Variants in ARMC9 observed in about 807,000 individuals in gnomAD.
ARMC9 encodes the protein lisH domain-containing protein ARMC9.
A neutral mutation model predicts 107.0 loss-of-function variants in ARMC9; 94 were observed. The observed-to-expected ratio is 0.88, with a 90% CI of 0.74 to 1.04. ARMC9 has a LOEUF of 1.04. Among genes scored for constraint, ARMC9 ranks in the 50% least tolerant of loss-of-function variants. The pLI is 0.00. For synonymous variants in ARMC9, 380 were observed against 396.9 expected (o/e 0.96, Z 0.51); for missense variants, 942 against 1,030.1 (o/e 0.91, Z 1.17).
intron 22 of ARMC9, among the ~76,000 whole-genome samples, chr2:231,357,042 C>G (rs2045371009): frequency 1.3e-5 from 2 of 152,134 alleles, no homozygotes; most frequent in Admixed American, 1.3e-4. Context: ...CTTTGGGAAG[C>G]TGTCATGCTG....
chr2:231,302,433 G>GTTTTTTTTTTTTTTTTT (rs1322418026), intron 19 of ARMC9, among the ~76,000 whole-genome samples: 7 of 96,386 alleles, frequency 7.3e-5, no homozygotes, highest in Non-Finnish European at 1.3e-4. Context: ...AGCATTGTGG[G>GTTTTTTTTTTTTTTTTT]TTTGTTTTTT....
chr2:231,319,701 C>T (rs185077351), intron 19 of ARMC9, among the ~76,000 whole-genome samples: 1 of 152,184 alleles, frequency 6.6e-6, no homozygotes, highest in Admixed American at 6.5e-5. Flanking sequence ...GCTTAAGCCT[C>T]ACACCCCTCT....
chr2:231,289,797 A>G (rs954870439), intron 17 of ARMC9, among the ~76,000 whole-genome samples: 2 of 152,074 alleles, frequency 1.3e-5, no homozygotes, highest in Admixed American at 6.5e-5. Context: ...GAGCTTACCC[A>G]TCTCTGCCTC....
rs540649328 is a variant in ARMC9, at chr2:231,218,544, G to A, written c.504+1751G>A. 1.1e-3 allele frequency among the ~76,000 whole-genome samples: 161 copies of A among 152,284 alleles called. 2 individuals are homozygous for A. The South Asian group carries it at 0.031, about 29-fold the overall frequency. On this transcript the variant is annotated intron_variant, in intron 5 of 24. Transcript: ENST00000611582. ...CAGTAGAGCTGGCAGAATCGGGGAT[G>A]GGGCCTAGCAGAGGCTGCAGCTGGC...
intron 12 of ARMC9, among the ~76,000 whole-genome samples, chr2:231,263,178 G>T (rs572728262): frequency 6.6e-6 from 1 of 152,326 alleles, no homozygotes; most frequent in South Asian, 2.1e-4. Flanking sequence ...CCAGAGTGCT[G>T]TAAAAATGTA....
At chr2:231,332,907 C>T (rs371265194) in intron 20 of ARMC9, among the ~76,000 whole-genome samples, 1 of 152,252 alleles carries the variant, frequency 6.6e-6, no homozygotes. Flanking sequence ...TCACGGCCAG[C>T]AGGTTGGTGT....
chr2:231,337,362 A>G (rs1266725633), intron 20 of ARMC9, among the ~76,000 whole-genome samples: 1 of 140,786 alleles, frequency 7.1e-6, no homozygotes, highest in African/African-American at 2.7e-5. Flanking sequence ...CAGTGGCACA[A>G]TCTTGGCTCA....
At chr2:231,257,850 T>C (rs1461660295) in intron 10 of ARMC9, among the ~76,000 whole-genome samples, 1 of 152,208 alleles carries the variant, frequency 6.6e-6, no homozygotes, top group Non-Finnish European at 1.5e-5. Context: ...TCATTTAGTC[T>C]CACCAGTTTT....
intron 16 of ARMC9, 106 bp from the exon 17 acceptor site, chr2:231,281,953 A>T (rs1380125521): frequency 2.8e-6 from 3 of 1,063,776 alleles, no homozygotes; most frequent in South Asian, 2.6e-5. Flanking sequence ...GGACGGGAAC[A>T]CCCACTCTCC....
chr2:231,299,211 C>G (rs977888046), intron 19 of ARMC9, among the ~76,000 whole-genome samples: 6 of 152,116 alleles, frequency 3.9e-5, no homozygotes, highest in African/African-American at 1.4e-4. Context: ...GCTAGAAATG[C>G]ATCTTCTGAT....
chr2:231,312,994 C>T (rs2042444116), intron 19 of ARMC9, among the ~76,000 whole-genome samples: 1 of 152,096 alleles, frequency 6.6e-6, no homozygotes, highest in Non-Finnish European at 1.5e-5. Flanking sequence ...GTATCAAGCA[C>T]CTGTTATATG....
intron 19 of ARMC9, among the ~76,000 whole-genome samples, chr2:231,315,919 G>A (rs566661440): frequency 7.9e-5 from 12 of 152,130 alleles, no homozygotes; most frequent in South Asian, 2.1e-4. Context: ...CTTTTTAGCC[G>A]TATTTGCCTT....
chr2:231,313,526 A>G (rs951566077), intron 19 of ARMC9, among the ~76,000 whole-genome samples: 2 of 152,162 alleles, frequency 1.3e-5, no homozygotes, highest in African/African-American at 4.8e-5. Flanking sequence ...GTAAATGTAT[A>G]ATTCCATGAA....
chr2:231,351,812 T>C (rs2045093110), intron 21 of ARMC9, among the ~76,000 whole-genome samples: 1 of 152,062 alleles, frequency 6.6e-6, no homozygotes, highest in Non-Finnish European at 1.5e-5. Context: ...AGTAAGTACA[T>C]AAATATTCGT....
intron 3 of ARMC9, among the ~76,000 whole-genome samples, chr2:231,208,799 T>G (rs1415110973): frequency 6.6e-6 from 1 of 152,204 alleles, no homozygotes; most frequent in Non-Finnish European, 1.5e-5. Flanking sequence ...CTAGGCATGG[T>G]GGCTGAATCC....
In ARMC9 at chr2:231,370,111, CA is replaced by C; in HGVS notation, c.2422del (p.Arg808GlyfsTer38). ...CGCCCCGGCTCCACAGCGTCCTCCACAAGGGGCCTGCCGAGTAAGTCAGCCT... is the reference window on the plus strand; with the variant it reads ...CGCCCCGGCTCCACAGCGTCCTCCACAGGGGCCTGCCGAGTAAGTCAGCCT... Reference protein sequence around the residue: ...ASRPGSTASSTRGLPSSQSHR... With the variant: ...ASRPGSTASSXRGLPSSQSHR... On this transcript the variant is annotated frameshift_variant, in exon 24 of 25. Coordinates refer to ENST00000611582, the MANE Select transcript of ARMC9 (RefSeq NM_001352754.2). LOFTEE classifies it high-confidence loss of function. The C allele has an allele frequency of 6.5e-7, 1 of 1,530,086 alleles. No homozygotes were observed. The highest frequency in any genetic ancestry group is 8.7e-7 in the Non-Finnish European group (1 of 1,143,090). The allele number at this position is 1,530,086 out of a possible 1,614,324, so 94.8% of individuals were successfully genotyped here.
At chr2:231,332,224 T>C (rs2043791291) in intron 20 of ARMC9, among the ~76,000 whole-genome samples, 1 of 152,158 alleles carries the variant, frequency 6.6e-6, no homozygotes, top group African/African-American at 2.4e-5. Flanking sequence ...GCCTTATGTA[T>C]TGGAAGGGAA....
intron 20 of ARMC9, among the ~76,000 whole-genome samples, chr2:231,333,978 A>G (rs1254403300): frequency 1.3e-5 from 2 of 152,278 alleles, no homozygotes; most frequent in African/African-American, 4.8e-5. Flanking sequence ...TAGTTTAATC[A>G]TGCAGATTGG....
chr2:231,287,568 T>C (rs2125463612), intron 17 of ARMC9, among the ~76,000 whole-genome samples: 1 of 152,252 alleles, frequency 6.6e-6, no homozygotes, highest in African/African-American at 2.4e-5. Context: ...CTCCTTCCTT[T>C]CGACGGGGTC....
Sources: allele counts gnomAD v4.1 joint callset (sites outside exome capture counted in the v4.1 genomes callset), GRCh38; gene constraint gnomAD v4.1.1; transcripts MANE v1.5; gene names NCBI Gene and HGNC (gene_info 2026-07-23, HGNC 2026-07-21).